Variants in CHD6 observed in about 807,000 individuals in gnomAD.
CHD6 encodes the protein chromodomain helicase DNA binding protein 6.
CHD6 carries 50 observed loss-of-function variants against 276.9 expected under a neutral mutation model. That is an observed-to-expected ratio of 0.18 (90% CI 0.14 to 0.23). The LOEUF is 0.23. CHD6 is among the 10% of genes least tolerant of loss of function. The pLI, the probability that CHD6 is intolerant of heterozygous loss-of-function variation, is 1.00. For synonymous variants in CHD6, 1,173 were observed against 1,229.3 expected (o/e 0.95, Z 0.96); for missense variants, 2,564 against 3,365.8 (o/e 0.76, Z 5.89).
intron 1 of CHD6, 75 bp from the exon 2 acceptor site, chr20:41,551,435 T>A (rs2045144528): frequency 4.5e-6 from 3 of 668,442 alleles, no homozygotes; most frequent in Non-Finnish European, 7.8e-6. Context: ...TCCAGATTAC[T>A]GTAACACACA....
rs1453750905 is a variant in CHD6, at chr20:41,498,221, G to C, written c.921C>G (p.His307Gln). 1.2e-6 allele frequency: 2 copies of C among 1,610,194 alleles called. No homozygotes were observed. Among genetic ancestry groups the C allele is most frequent in the Non-Finnish European group, 1.7e-6 (2 of 1,178,680 alleles). Residue 307 changes from histidine to glutamine, a missense_variant, in exon 7 of 37, where the codon CAC becomes CAG. Physicochemically the swap from His to Gln is conservative, Grantham distance 24. Around this residue, in one of 7 missense-constraint regions of CHD6, gnomAD observed 457 missense variants for 889.0 expected, o/e 0.51. Transcript: ENST00000373233. Reference sequence around the variant, plus strand: ...CCAAGTCGAACGGAGGTTCTCCTGGGTGAACCTGTAACAAACAGCAAGCAG... The same window carrying C: ...CCAAGTCGAACGGAGGTTCTCCTGGCTGAACCTGTAACAAACAGCAAGCAG... ...ILASKTVQEV[H>Q]PGEPPFDLEL... is the part of the protein sequence containing the mutation.
At chr20:41,512,758 T>A in intron 5 of CHD6, 88 bp downstream of exon 5, 1 of 1,472,154 alleles carries the variant, frequency 6.8e-7, no homozygotes, top group African/African-American at 1.4e-5. Flanking sequence ...ATCTGACTTA[T>A]GCTTTAGCAA....
intron 31 of CHD6, among the ~76,000 whole-genome samples, chr20:41,418,187 C>T (rs901209985): frequency 2.0e-5 from 3 of 152,194 alleles, no homozygotes; most frequent in African/African-American, 4.8e-5. Flanking sequence ...ACAGATACCG[C>T]CCAGGTCCTC....
chr20:41,511,384 C>A (rs781495489), intron 5 of CHD6, among the ~76,000 whole-genome samples: 21 of 152,198 alleles, frequency 1.4e-4, no homozygotes, highest in Non-Finnish European at 2.2e-4. Context: ...TCTTGCTTTT[C>A]ATTTCTTCTC....
At position 41,578,692 on chromosome 20, in the gene CHD6, CA is replaced by C. The variant is rs11471711; in HGVS notation, c.-23-27333del. Among the ~76,000 whole-genome samples the C allele has an allele frequency of 2.0e-3, 208 of 104,866 alleles. 1 individual carries two copies. Among genetic ancestry groups the C allele is most frequent in the Middle Eastern group, 0.011 (2 of 174 alleles). The allele number at this position is 104,866 out of a possible 152,430, so 68.8% of individuals were successfully genotyped here. ...AGAGTGACAAAGTGAGACTCCGTCT[CA>C]AAAAAAAAAAAAAGAAAGAAAGAAA... On this transcript the variant is annotated intron_variant, in intron 1 of 36. Transcript: ENST00000373233.
chr20:41,451,142 C>G (rs745616972), intron 22 of CHD6, 37 bp from the exon 23 acceptor site: 1 of 1,589,922 alleles, frequency 6.3e-7, no homozygotes, highest in Non-Finnish European at 8.6e-7. Flanking sequence ...AGTGGATAGC[C>G]AAGGGGGGTG....
rs530998311 is a variant in CHD6, at chr20:41,570,692, A to C, written c.-23-19332T>G. On this transcript the variant is annotated intron_variant, in intron 1 of 36. Transcript: ENST00000373233. Reference sequence around the variant, plus strand: ...CCACCAGCTATTGAAAGCACAAAACAACCTCATATGCTGTATACTGGGAGA... The same window carrying C: ...CCACCAGCTATTGAAAGCACAAAACCACCTCATATGCTGTATACTGGGAGA... 9.8e-5 allele frequency among the ~76,000 whole-genome samples: 15 copies of C among 152,340 alleles called. No individual in the cohort carries two copies. The South Asian group carries it at 2.7e-3, about 27-fold the overall frequency.
chr20:41,433,996 G>A (rs2047624471), intron 27 of CHD6, among the ~76,000 whole-genome samples: 1 of 151,966 alleles, frequency 6.6e-6, no homozygotes, highest in Non-Finnish European at 1.5e-5. Flanking sequence ...GTAAACCAGA[G>A]GAAGGCAGGA....
At chr20:41,555,435 G>T (rs1421980165) in intron 1 of CHD6, among the ~76,000 whole-genome samples, 7 of 150,132 alleles carry the variant, frequency 4.7e-5, no homozygotes, top group East Asian at 2.0e-4. Context: ...CCTCCCGGAC[G>T]GGGTGGCTGC....
intron 1 of CHD6, among the ~76,000 whole-genome samples, chr20:41,568,732 C>T (rs1421694712): frequency 6.6e-6 from 1 of 152,140 alleles, no homozygotes; most frequent in Non-Finnish European, 1.5e-5. Context: ...GAATCTGACA[C>T]AAATTCCTTC....
At chr20:41,479,389 T>G (rs1253889320) in intron 16 of CHD6, among the ~76,000 whole-genome samples, 1 of 151,968 alleles carries the variant, frequency 6.6e-6, no homozygotes, top group Non-Finnish European at 1.5e-5. Context: ...AACCAAAAAT[T>G]AAAAAGAAAA....
At chr20:41,457,736 T>A (rs2048420011) in intron 17 of CHD6, among the ~76,000 whole-genome samples, 1 of 152,216 alleles carries the variant, frequency 6.6e-6, no homozygotes, top group East Asian at 1.9e-4. Context: ...GTGGCACACA[T>A]TCCCAGGATG....
At chr20:41,469,627 T>A (rs2043008199) in intron 17 of CHD6, among the ~76,000 whole-genome samples, 1 of 152,238 alleles carries the variant, frequency 6.6e-6, no homozygotes, top group Non-Finnish European at 1.5e-5. Flanking sequence ...CTGCTGCTGA[T>A]GTGCCAGGAC....
intron 14 of CHD6, among the ~76,000 whole-genome samples, chr20:41,485,238 C>G (rs941236654): frequency 2.0e-5 from 3 of 152,122 alleles, no homozygotes; most frequent in Non-Finnish European, 4.4e-5. Flanking sequence ...CAGGCCTGGA[C>G]AGCAGATCTT....
chr20:41,546,507 C>T (rs1156810713), intron 2 of CHD6, among the ~76,000 whole-genome samples: 1 of 152,190 alleles, frequency 6.6e-6, no homozygotes, highest in African/African-American at 2.4e-5. Context: ...CCATATTATA[C>T]ATTACATAAT....
intron 16 of CHD6, among the ~76,000 whole-genome samples, chr20:41,474,582 C>T (rs1050052223): frequency 8.5e-5 from 13 of 152,202 alleles, no homozygotes; most frequent in Non-Finnish European, 1.3e-4. Context: ...CACCCCAAAC[C>T]GACAACAGCC....
chr20:41,429,254 T>C (rs1410377709), intron 27 of CHD6, among the ~76,000 whole-genome samples: 2 of 152,250 alleles, frequency 1.3e-5, no homozygotes, highest in Non-Finnish European at 2.9e-5. Context: ...GAGAAAGATT[T>C]TGTTTACAAT....
At position 41,403,582 on chromosome 20, in the gene CHD6, G is replaced by A. The variant is rs1255563936; in HGVS notation, c.*1011C>T. The A allele has an allele frequency of 9.4e-7, 1 of 1,063,222 alleles. No homozygotes were observed. The highest frequency in any genetic ancestry group is 1.6e-5 in the African/African-American group (1 of 60,952). The allele number at this position is 1,063,222 out of a possible 1,614,324, so 65.9% of individuals were successfully genotyped here. ...GGGTGGCACACATTTGACAGCCTCA[G>A]ACACTCTTGATCAAAGGACCTACTA... On this transcript the variant is annotated 3_prime_UTR_variant, in exon 37 of 37. Transcript: ENST00000373233.
At chr20:41,547,610 G>T in intron 2 of CHD6, 2 of 577,284 alleles carry the variant, frequency 3.5e-6, no homozygotes, top group South Asian at 1.4e-5. Context: ...TGAAACTGAC[G>T]ATTCAGAACA....
Sources: allele counts gnomAD v4.1 joint callset (sites outside exome capture counted in the v4.1 genomes callset), GRCh38; gene constraint gnomAD v4.1.1; regional missense constraint gnomAD v4.1.1; transcripts MANE v1.5; gene names NCBI Gene and HGNC (gene_info 2026-07-23, HGNC 2026-07-21).